The following MEIOB variants were observed in gnomAD, a reference collection of about 807,000 sequenced individuals.
The protein encoded by MEIOB is meiosis-specific with OB domain-containing protein.
A neutral mutation model predicts 53.1 loss-of-function variants in MEIOB; 50 were observed. That is an observed-to-expected ratio of 0.94 (90% CI 0.75 to 1.19). The LOEUF (loss-of-function observed/expected upper bound fraction) is 1.19. Ranked by LOEUF, MEIOB falls within the 50% of genes most tolerant of loss-of-function variation. The pLI, the probability that MEIOB is intolerant of heterozygous loss-of-function variation, is 0.00. For synonymous variants in MEIOB, 192 were observed against 182.5 expected (o/e 1.05, Z -0.42); for missense variants, 551 against 550.8 (o/e 1.00, Z 0.00).
At chr16:1,861,574 A>C in intron 4 of MEIOB, among the ~76,000 whole-genome samples, 1 of 105,180 alleles carries the variant, frequency 9.5e-6, no homozygotes, top group East Asian at 2.8e-4. Flanking sequence ...ACAGGGTCTT[A>C]CTCTGTGACT....
chr16:1,839,213 C>A, intron 12 of MEIOB, 42 bp downstream of exon 12: 1 of 1,506,104 alleles, frequency 6.6e-7, no homozygotes. Context: ...AAAGCATTCA[C>A]TTTGGAAATA....
chr16:1,866,038 G>C (rs1309840489), intron 2 of MEIOB, among the ~76,000 whole-genome samples: 3 of 152,098 alleles, frequency 2.0e-5, no homozygotes, highest in Admixed American at 6.6e-5. Context: ...TAATCCAAAA[G>C]TTAACTACTA....
rs1898836266 is a variant in MEIOB at position 1,839,355 on chromosome 16, A to C, written c.1118T>G (p.Phe373Cys). 6.2e-7 allele frequency: 1 copy of C among 1,614,100 alleles called. No individual in the cohort carries two copies. Among genetic ancestry groups the C allele is most frequent in the African/African-American group, 1.3e-5 (1 of 74,940 alleles). The part of the protein sequence containing the change: ...NKNSLDFKSV[F>C]LSFHVLIDLT... ...ATCAATCAGCACATGGAAACTGAGAAAGACAGATTTAAAGTCCAAGGAGTT... is the reference window on the plus strand; with the variant it reads ...ATCAATCAGCACATGGAAACTGAGACAGACAGATTTAAAGTCCAAGGAGTT... Residue 373 changes from phenylalanine (F) to cysteine (C), a missense_variant, in exon 12 of 14, where the codon TTT becomes TGT. Physicochemically the swap from Phe to Cys is radical, Grantham distance 205 (BLOSUM62 -2). Transcript: ENST00000325962.
chr16:1,859,289 C>T (rs1899383350), intron 5 of MEIOB, among the ~76,000 whole-genome samples: 1 of 152,198 alleles, frequency 6.6e-6, no homozygotes, highest in Non-Finnish European at 1.5e-5. Flanking sequence ...CGCCTGTAAT[C>T]CCAGCCCTTT....
intron 13 of MEIOB, 78 bp from the exon 14 acceptor site, chr16:1,834,444 T>C (rs1316395807): frequency 3.9e-6 from 3 of 762,516 alleles, no homozygotes; most frequent in Non-Finnish European, 6.8e-6. Flanking sequence ...AAATCAATGA[T>C]CACGAATAGA....
chr16:1,863,753 T>A (rs200603137), intron 3 of MEIOB, among the ~76,000 whole-genome samples: 4 of 110,206 alleles, frequency 3.6e-5, no homozygotes, highest in African/African-American at 6.9e-5. Flanking sequence ...ATTTTAAAAA[T>A]AATTAAAATA....
At chr16:1,866,632 G>A (rs1406262083) in intron 2 of MEIOB, among the ~76,000 whole-genome samples, 1 of 152,118 alleles carries the variant, frequency 6.6e-6, no homozygotes, top group African/African-American at 2.4e-5. Flanking sequence ...TGAGGCAGGA[G>A]AATCGCTTGA....
At chr16:1,848,233 T>C (rs1899071724) in intron 9 of MEIOB, among the ~76,000 whole-genome samples, 1 of 152,198 alleles carries the variant, frequency 6.6e-6, no homozygotes, top group South Asian at 2.1e-4. Flanking sequence ...GCTACTGATA[T>C]TAAACACATT....
At chr16:1,841,471 C>T (rs1898910171) in intron 11 of MEIOB, among the ~76,000 whole-genome samples, 1 of 152,188 alleles carries the variant, frequency 6.6e-6, no homozygotes, top group Admixed American at 6.5e-5. Context: ...CATGCTACTG[C>T]ACCTGGCTTG....
intron 12 of MEIOB, 121 bp downstream of exon 12, chr16:1,839,133 TC>T: frequency 1.7e-6 from 2 of 1,173,604 alleles, no homozygotes; most frequent in East Asian, 2.7e-5. Context: ...GATGATTTTT[TC>T]CCAGGCTGTT....
At chr16:1,837,926 T>C in intron 12 of MEIOB, 56 bp from the exon 13 acceptor site, 2 of 1,457,934 alleles carry the variant, frequency 1.4e-6, no homozygotes, top group Admixed American at 2.7e-5. Flanking sequence ...AGAAAATTCA[T>C]TTTTGACAAC....
At chr16:1,852,930 T>C (rs1266090826) in intron 9 of MEIOB, 109 bp downstream of exon 9, 3 of 704,418 alleles carry the variant, frequency 4.3e-6, no homozygotes, top group Non-Finnish European at 6.9e-6. Flanking sequence ...TTTTTACTTC[T>C]AATTTGAATT....
chr16:1,868,771 C>T (rs1042516038), intron 1 of MEIOB, among the ~76,000 whole-genome samples: 14 of 151,904 alleles, frequency 9.2e-5, no homozygotes, highest in Middle Eastern at 3.4e-3. Flanking sequence ...AGGAGAATGG[C>T]GTGAACCCGG....
intron 1 of MEIOB, among the ~76,000 whole-genome samples, chr16:1,870,677 A>G (rs1657095): frequency 0.83 from 125,521 of 152,114 alleles, 51,915 homozygotes; most frequent in Middle Eastern, 0.9. Context: ...ATATTATCCA[A>G]TGTACCAGTT....
At chr16:1,870,583 C>T (rs544182385) in intron 1 of MEIOB, among the ~76,000 whole-genome samples, 1 of 152,284 alleles carries the variant, frequency 6.6e-6, no homozygotes, top group African/African-American at 2.4e-5. Flanking sequence ...GGATAACATC[C>T]ACCTGGCAGT....
intron 9 of MEIOB, among the ~76,000 whole-genome samples, chr16:1,846,773 G>A (rs1236250460): frequency 1.3e-5 from 2 of 152,158 alleles, no homozygotes; most frequent in African/African-American, 4.8e-5. Flanking sequence ...ACACAGGGAG[G>A]GGAACAACAC....
intron 13 of MEIOB, 84 bp from the exon 14 acceptor site, chr16:1,834,450 A>G (rs1898685488): frequency 1.4e-6 from 1 of 716,272 alleles, no homozygotes; most frequent in South Asian, 1.7e-5. Context: ...ATGATCACGA[A>G]TAGAGAACTG....
chr16:1,834,156 A>G lies in MEIOB; in HGVS notation c.*100T>C, dbSNP rs972373134. 1.5e-6 allele frequency: 1 copy of G among 687,542 alleles called. No individual in the cohort carries two copies. Among genetic ancestry groups the G allele is most frequent in the Admixed American group, 2.7e-5 (1 of 37,496 alleles). 42.6% of individuals were successfully genotyped at this position (687,542 alleles called of 1,614,324 possible). A position where few individuals can be genotyped will look rare whatever the true frequency, so the allele number is the denominator to read the frequency against. The stretch of plus-strand genomic sequence containing the variant: ...TTCTAGAAACATGTTCACCACATGT[A>G]AACAAAATGCAATTTTCCCCATAAT... On this transcript the variant is annotated 3_prime_UTR_variant, in exon 14 of 14. Coordinates refer to ENST00000325962, the MANE Select transcript of MEIOB (RefSeq NM_001163560.3).
intron 1 of MEIOB, among the ~76,000 whole-genome samples, chr16:1,869,229 A>C (rs1045182749): frequency 3.9e-5 from 6 of 152,100 alleles, no homozygotes; most frequent in Non-Finnish European, 7.4e-5. Context: ...GGCTCAAGCG[A>C]TTCTTCTGCC....
Sources: allele counts gnomAD v4.1 joint callset (sites outside exome capture counted in the v4.1 genomes callset), GRCh38; gene constraint gnomAD v4.1.1; transcripts MANE v1.5; gene names NCBI Gene and HGNC (gene_info 2026-07-23, HGNC 2026-07-21).